KIRREL3: variants seen among roughly 807,000 people sequenced by gnomAD.
KIRREL3 encodes the protein kin of IRRE-like protein 3.
Under a neutral mutation model 89.7 loss-of-function variants are expected in KIRREL3, and 36 were observed. That is an observed-to-expected ratio of 0.40 (90% confidence interval 0.31 to 0.53). The LOEUF (loss-of-function observed/expected upper bound fraction) is 0.53. Ranked by LOEUF, KIRREL3 falls within the 20% of genes least tolerant of loss-of-function variation. KIRREL3 has a pLI of 0.49. For missense variants in KIRREL3, 864 were observed against 1,056.6 expected (o/e 0.82, Z 2.53); for synonymous variants, 445 against 441.4 (o/e 1.01, Z -0.10).
chr11:126,670,967 G>A (rs966578318), intron 1 of KIRREL3, among the ~76,000 whole-genome samples: 2 of 152,138 alleles, frequency 1.3e-5, no homozygotes, highest in Non-Finnish European at 2.9e-5. Flanking sequence ...TATAATACTG[G>A]TGAAGGAATA....
rs1944713626 is a variant in KIRREL3 at position 126,646,935 on chromosome 11, AC to A, written c.56-84024del. ...CCAATGTGGTCATATCACATGTTGC[AC>A]CACCGATGAGCCAATTATTTCAATT... On this transcript the variant is annotated intron_variant, in intron 1 of 16. Transcript: ENST00000525144. Among the ~76,000 whole-genome samples the A allele has an allele frequency of 2.6e-5, 4 of 152,322 alleles. 1 individual carries two copies. Among genetic ancestry groups the A allele is most frequent in the Admixed American group, 1.3e-4 (2 of 15,298 alleles).
At chr11:127,002,931 G>A (rs1020660822), upstream of KIRREL3, 1 of 152,046 alleles carries the variant, frequency 6.6e-6, no homozygotes, top group African/African-American at 2.4e-5. Context: ...GAAAGAAGAG[G>A]GGGGCCTGGG....
chr11:126,538,318 C>T (rs958573251), intron 2 of KIRREL3, among the ~76,000 whole-genome samples: 3 of 152,186 alleles, frequency 2.0e-5, no homozygotes, highest in African/African-American at 7.2e-5. Flanking sequence ...CGGCTTTCTC[C>T]CAGCCTGGAG....
In KIRREL3 at chr11:126,976,054, C is replaced by A. The variant is rs891919770; in HGVS notation, c.55+24401G>T. Reference sequence around the variant, plus strand: ...TACCCATTCCAGATGTGGGTCACATCAGCAGAGGGTGCCATGGGGGTGTTA... The same window carrying A: ...TACCCATTCCAGATGTGGGTCACATAAGCAGAGGGTGCCATGGGGGTGTTA... On this transcript the variant is annotated intron_variant, in intron 1 of 16. Coordinates refer to ENST00000525144, the MANE Select transcript of KIRREL3 (RefSeq NM_032531.4). This position sits in a 1 kb window ranked among gnomAD's most constrained non-coding sequence, Gnocchi z 4.2. 1.3e-5 allele frequency among the ~76,000 whole-genome samples: 2 copies of A among 151,610 alleles called. No individual in the cohort carries two copies. Among genetic ancestry groups the A allele is most frequent in the Admixed American group, 6.6e-5 (1 of 15,206 alleles).
intron 7 of KIRREL3, among the ~76,000 whole-genome samples, chr11:126,450,203 G>A (rs955045080): frequency 6.6e-6 from 1 of 151,186 alleles, no homozygotes; most frequent in Non-Finnish European, 1.5e-5. Flanking sequence ...GTGTGTTCAT[G>A]TGAATGTGTG....
chr11:126,479,955 T>C (rs1293888349), intron 4 of KIRREL3, among the ~76,000 whole-genome samples: 1 of 152,186 alleles, frequency 6.6e-6, no homozygotes, highest in Non-Finnish European at 1.5e-5. Context: ...GCCAAGTGTA[T>C]AGGGCTTCTG....
intron 1 of KIRREL3, among the ~76,000 whole-genome samples, chr11:126,960,574 C>A (rs1949053688): frequency 2.0e-5 from 3 of 152,194 alleles, no homozygotes; most frequent in African/African-American, 7.2e-5. Flanking sequence ...AGTCCAGAGA[C>A]AAGACTGCTG....
At position 126,557,535 on chromosome 11, in the gene KIRREL3, G is replaced by T. The variant is rs1172326392; in HGVS notation, c.133+5300C>A. Among the ~76,000 whole-genome samples, 1 of 152,176 alleles carries T rather than the reference G, an allele frequency of 6.6e-6. No individual in the cohort carries two copies. Among genetic ancestry groups the T allele is most frequent in the East Asian group, 1.9e-4 (1 of 5,198 alleles). ...TCTTAGTGTCTAGGGACTTGCCCAA[G>T]CTCACACAGCCGGCTCCTCACTCTT... On this transcript the variant is annotated intron_variant, in intron 2 of 16. Coordinates refer to ENST00000525144, the MANE Select transcript of KIRREL3 (RefSeq NM_032531.4). The surrounding 1 kb of genome is among the most constrained non-coding windows in gnomAD (Gnocchi z 5.6).
chr11:126,863,670 T>C (rs1028497962), intron 1 of KIRREL3, among the ~76,000 whole-genome samples: 6 of 151,982 alleles, frequency 3.9e-5, no homozygotes, highest in Admixed American at 1.3e-4. Flanking sequence ...TGAGTGTATG[T>C]GTGAGTGAGT....
Position 126,764,837 on chromosome 11 carries a change from T to C in KIRREL3, c.56-201925A>G, listed in dbSNP as rs376413649. ...CAGAACTCAGAGGGGCAGCTCTCCT[T>C]TGGACTAGGCCTTTGGCAGGAGTCC... On this transcript the variant is annotated intron_variant, in intron 1 of 16. Coordinates refer to ENST00000525144, the MANE Select transcript of KIRREL3 (RefSeq NM_032531.4). The surrounding 1 kb of genome is among the most constrained non-coding windows in gnomAD (Gnocchi z 4.2). 1.3e-4 allele frequency among the ~76,000 whole-genome samples: 20 copies of C among 152,308 alleles called. No homozygotes were observed. The East Asian group carries it at 3.1e-3, about 23-fold the overall frequency.
At chr11:126,560,016 C>G (rs1450192209) in intron 2 of KIRREL3, among the ~76,000 whole-genome samples, 1 of 152,042 alleles carries the variant, frequency 6.6e-6, no homozygotes, top group Admixed American at 6.6e-5. Flanking sequence ...GTGCTTAGAA[C>G]AATTCTGGCA....
rs1949840463 is a variant in KIRREL3 at position 126,985,547 on chromosome 11, T to C, written c.55+14908A>G. ...ACCAGGAGGCAAAAGGAGCTGAGTC[T>C]TTAGGGTAGAAGTTATCTAGACTAA... On this transcript the variant is annotated intron_variant, in intron 1 of 16. Coordinates refer to ENST00000525144, the MANE Select transcript of KIRREL3 (RefSeq NM_032531.4). This position sits in a 1 kb window ranked among gnomAD's most constrained non-coding sequence, Gnocchi z 5.3. Among the ~76,000 whole-genome samples, 3 of 152,056 alleles carry C rather than the reference T, an allele frequency of 2.0e-5. No homozygotes were observed. Among genetic ancestry groups the C allele is most frequent in the Non-Finnish European group, 4.4e-5 (3 of 68,004 alleles).
In KIRREL3 at chr11:126,570,674, T is replaced by C. The variant is rs1940857278; in HGVS notation, c.56-7762A>G. 6.6e-6 allele frequency among the ~76,000 whole-genome samples: 1 copy of C among 152,148 alleles called. No individual in the cohort carries two copies. The highest frequency in any genetic ancestry group is 6.5e-5 in the Admixed American group (1 of 15,290). ...TCTCCAGCCTGCTCCAGCCATGCCA[T>C]TATTTGGCTGGCATAGCTCTATCCC... On this transcript the variant is annotated intron_variant, in intron 1 of 16. Coordinates refer to ENST00000525144, the MANE Select transcript of KIRREL3 (RefSeq NM_032531.4). This position sits in a 1 kb window ranked among gnomAD's most constrained non-coding sequence, Gnocchi z 6.1.
At chr11:126,964,491 C>T (rs1949203950) in intron 1 of KIRREL3, among the ~76,000 whole-genome samples, 1 of 152,116 alleles carries the variant, frequency 6.6e-6, no homozygotes, top group Non-Finnish European at 1.5e-5. Flanking sequence ...TCCTAGAACC[C>T]CTCCTCCAAA....
In KIRREL3 at chr11:126,752,714, G is replaced by A. The variant is rs904180797; in HGVS notation, c.56-189802C>T. Among the ~76,000 whole-genome samples, 3 of 152,068 alleles carry A rather than the reference G, an allele frequency of 2.0e-5. No individual in the cohort carries two copies. The highest frequency in any genetic ancestry group is 7.2e-5 in the African/African-American group (3 of 41,410). On this transcript the variant is annotated intron_variant, in intron 1 of 16. Coordinates refer to ENST00000525144, the MANE Select transcript of KIRREL3 (RefSeq NM_032531.4). The surrounding 1 kb of genome is among the most constrained non-coding windows in gnomAD (Gnocchi z 4.8). ...CCTGACAAAGAAATCTAAATTCATG[G>A]ATTTTCCCAGCTGTACCCTTGAGCG...
Position 126,923,190 on chromosome 11 carries a change from T to TTC in KIRREL3, c.55+77263_55+77264dup, listed in dbSNP as rs1565423166. Among the ~76,000 whole-genome samples, 30 of 10,352 alleles carry TTC rather than the reference T, an allele frequency of 2.9e-3. 6 individuals carry two copies. The highest frequency in any genetic ancestry group is 4.5e-3 in the African/African-American group (4 of 892). The allele number at this position is 10,352 out of a possible 152,430, so 6.8% of individuals were successfully genotyped here. On this transcript the variant is annotated intron_variant, in intron 1 of 16. Transcript: ENST00000525144. ...TTCTTCTTCTTCTCTTCTTCTTCTC[T>TTC]TCTTCTTCTTCTTCTTCTTCTTCTT...
In KIRREL3 at chr11:126,745,710, G is replaced by A. The variant is rs140122667; in HGVS notation, c.56-182798C>T. On this transcript the variant is annotated intron_variant, in intron 1 of 16. Transcript: ENST00000525144. ...GAGCTTCACCCCCTTGGTGCTGTAG[G>A]TGAGAGCTTAGCCTGCAGTGTCTCT... Among the ~76,000 whole-genome samples, 366 of 152,346 alleles carry A rather than the reference G, an allele frequency of 2.4e-3. 1 individual carries two copies. Among genetic ancestry groups the A allele is most frequent in the African/African-American group, 8.4e-3 (350 of 41,584 alleles).
chr11:126,423,592 G>A lies in KIRREL3; in HGVS notation c.*988C>T, dbSNP rs2135585968. The A allele has an allele frequency of 6.6e-6, 1 of 152,270 alleles. No individual in the cohort carries two copies. Among genetic ancestry groups the A allele is most frequent in the Non-Finnish European group, 1.5e-5 (1 of 68,028 alleles). 9.4% of individuals were successfully genotyped at this position (152,270 alleles called of 1,614,324 possible). A position where few individuals can be genotyped will look rare whatever the true frequency, so the allele number is the denominator to read the frequency against. On this transcript the variant is annotated 3_prime_UTR_variant, in exon 17 of 17. Coordinates refer to ENST00000525144, the MANE Select transcript of KIRREL3 (RefSeq NM_032531.4). Reference sequence around the variant, plus strand: ...TCTCGTGGAGCCTTACTGAAGACAGGATCGCCGTTCTTGTGTTTATCAGCT... The same window carrying A: ...TCTCGTGGAGCCTTACTGAAGACAGAATCGCCGTTCTTGTGTTTATCAGCT...
intron 1 of KIRREL3, among the ~76,000 whole-genome samples, chr11:126,849,278 A>G (rs1263619168): frequency 2.4e-5 from 1 of 41,618 alleles, no homozygotes; most frequent in Non-Finnish European, 4.4e-5. Context: ...AAGTTACCCT[A>G]TACAGTCTCA....
Sources: allele counts gnomAD v4.1 joint callset (sites outside exome capture counted in the v4.1 genomes callset), GRCh38; gene constraint gnomAD v4.1.1; non-coding constraint Gnocchi (gnomAD v3.1); transcripts MANE v1.5; gene names NCBI Gene and HGNC (gene_info 2026-07-23, HGNC 2026-07-21).